The following DRC7 variants were observed in gnomAD, a reference collection of about 807,000 sequenced individuals.
DRC7 encodes coiled-coil domain containing 135.
Under a neutral mutation model 104.4 loss-of-function variants are expected in DRC7, and 80 were observed. That is an observed-to-expected ratio of 0.77 (90% CI 0.64 to 0.92). The LOEUF (loss-of-function observed/expected upper bound fraction) is 0.92, where lower values mean the gene tolerates loss of function less well. Among genes scored for constraint, DRC7 ranks in the 40% least tolerant of loss-of-function variants. The probability of loss-of-function intolerance (pLI) is 0.00; values close to 1 mark genes in which losing one functional copy is unlikely to be tolerated. For synonymous variants in DRC7, 405 were observed against 447.3 expected (o/e 0.91, Z 1.19); for missense variants, 1,034 against 1,141.1 (o/e 0.91, Z 1.35).
chr16:57,718,086 G>T (rs1225073190), intron 8 of DRC7, among the ~76,000 whole-genome samples: 1 of 152,204 alleles, frequency 6.6e-6, no homozygotes, highest in Non-Finnish European at 1.5e-5. Context: ...CTTTCACAGA[G>T]GTCAACACGA....
chr16:57,728,813 G>GATAGATGA, intron 17 of DRC7, among the ~76,000 whole-genome samples: 1 of 149,446 alleles, frequency 6.7e-6, no homozygotes, highest in Non-Finnish European at 1.5e-5. Context: ...TAGGTGGGTG[G>GATAGATGA]GTGGGTGGGT....
In DRC7 at chr16:57,699,044, G is replaced by A; in HGVS notation, c.378+20G>A. On this transcript the variant is annotated intron_variant, in intron 4 of 18. Coordinates refer to ENST00000360716, the MANE Select transcript of DRC7 (RefSeq NM_001289162.2). ...GTGCCCGTAAGGCTGGCATGTTGAGGGCAGGGCTGGGGAGCCTGGGGCTGG... is the reference window on the plus strand; with the variant it reads ...GTGCCCGTAAGGCTGGCATGTTGAGAGCAGGGCTGGGGAGCCTGGGGCTGG... 1 of 1,611,048 alleles carries A rather than the reference G, an allele frequency of 6.2e-7. No homozygotes were observed. Among genetic ancestry groups the A allele is most frequent in the South Asian group, 1.1e-5 (1 of 90,978 alleles).
At chr16:57,704,747 C>A in intron 6 of DRC7, 129 bp from the exon 7 acceptor site, 1 of 1,022,110 alleles carries the variant, frequency 9.8e-7, no homozygotes, top group Non-Finnish European at 1.4e-6. Context: ...GCCAGAAAGG[C>A]CACAGGCTAC....
intron 8 of DRC7, chr16:57,713,847 A>G (rs774202148): frequency 8.2e-4 from 127 of 154,448 alleles, no homozygotes; most frequent in Non-Finnish European, 3.6e-4. Flanking sequence ...AGCTGCCCTC[A>G]TGGTGTATGA....
intron 16 of DRC7, among the ~76,000 whole-genome samples, 157 bp downstream of exon 16, chr16:57,727,566 A>G (rs1449261646): frequency 1.3e-5 from 2 of 152,154 alleles, no homozygotes; most frequent in African/African-American, 2.4e-5. Context: ...GACCATTTCT[A>G]TGGTTCATCC....
intron 15 of DRC7, 35 bp downstream of exon 15, chr16:57,726,977 T>C (rs745776592): frequency 2.9e-5 from 39 of 1,350,708 alleles, no homozygotes; most frequent in Non-Finnish European, 3.7e-5. Flanking sequence ...AGGTGGGCGG[T>C]ATCTTTGTTT....
At chr16:57,716,985 T>C (rs1331390717) in intron 8 of DRC7, among the ~76,000 whole-genome samples, 1 of 151,662 alleles carries the variant, frequency 6.6e-6, no homozygotes, top group African/African-American at 2.4e-5. Flanking sequence ...GGTGAAACCC[T>C]GTCTCTACTA....
intron 12 of DRC7, among the ~76,000 whole-genome samples, chr16:57,724,168 G>A (rs2048936963): frequency 6.6e-6 from 1 of 152,042 alleles, no homozygotes; most frequent in South Asian, 2.1e-4. Context: ...AAATTAGCCA[G>A]GTGTGGTGGC....
intron 4 of DRC7, among the ~76,000 whole-genome samples, chr16:57,699,342 C>G (rs1424943200): frequency 6.6e-6 from 1 of 152,190 alleles, no homozygotes; most frequent in South Asian, 2.1e-4. Context: ...GTGGGAGTCT[C>G]TGGTTTTTAA....
intron 8 of DRC7, among the ~76,000 whole-genome samples, chr16:57,715,653 C>T (rs2048834821): frequency 1.3e-5 from 2 of 152,206 alleles, no homozygotes; most frequent in South Asian, 4.1e-4. Context: ...TTGTTGCTCC[C>T]ATCTTACAGG....
intron 8 of DRC7, among the ~76,000 whole-genome samples, chr16:57,711,032 T>C (rs1461757291): frequency 6.6e-6 from 1 of 152,244 alleles, no homozygotes; most frequent in Non-Finnish European, 1.5e-5. Context: ...TTCAGTTTTC[T>C]GGATGAGTTT....
intron 13 of DRC7, chr16:57,725,475 C>T (rs928098803): frequency 1.3e-5 from 2 of 155,786 alleles, no homozygotes; most frequent in East Asian, 1.9e-4. Flanking sequence ...GGATGTGTTA[C>T]TTCCTTATTG....
At chr16:57,702,674 G>T (rs1297810855) in intron 6 of DRC7, among the ~76,000 whole-genome samples, 2 of 152,044 alleles carry the variant, frequency 1.3e-5, no homozygotes, top group African/African-American at 4.8e-5. Flanking sequence ...GGTGGCATGT[G>T]CCTGTAGTCC....
chr16:57,722,314 A>G (rs1420552825), intron 10 of DRC7, among the ~76,000 whole-genome samples: 2 of 152,182 alleles, frequency 1.3e-5, no homozygotes, highest in African/African-American at 4.8e-5. Context: ...GGTGAGCAGA[A>G]AGGGGTACCA....
intron 6 of DRC7, among the ~76,000 whole-genome samples, chr16:57,703,939 C>A (rs2048685080): frequency 7.3e-6 from 1 of 136,174 alleles, no homozygotes; most frequent in Non-Finnish European, 1.5e-5. Flanking sequence ...TGCACTCCAG[C>A]CTGGGCAACA....
intron 6 of DRC7, among the ~76,000 whole-genome samples, chr16:57,704,351 G>A (rs1271349239): frequency 4.7e-5 from 7 of 149,976 alleles, no homozygotes; most frequent in Non-Finnish European, 7.4e-5. Context: ...TTGCCACTTA[G>A]CACACATTTG....
chr16:57,702,004 G>A lies in DRC7; in HGVS notation c.573G>A (p.Thr191=), dbSNP rs574958651. Reference sequence around the variant, plus strand: ...AGGGGAACTGCTTTGACTTCAGTACGCTGCTCTGCTCCATGCTTATCGGCT... The same window carrying A: ...AGGGGAACTGCTTTGACTTCAGTACACTGCTCTGCTCCATGCTTATCGGCT... ...YQKGNCFDFS[T]LLCSMLIGSG... is the part of the protein sequence containing the mutation. Residue 191 remains threonine, a synonymous_variant, in exon 6 of 19, where the codon ACG becomes ACA. Transcript: ENST00000360716. 14 of 1,614,058 alleles carry A rather than the reference G, an allele frequency of 8.7e-6. No individual in the cohort carries two copies. The highest frequency in any genetic ancestry group is 2.7e-5 in the African/African-American group (2 of 74,926).
At position 57,699,095 on chromosome 16, in the gene DRC7, G is replaced by A. The variant is rs1401513805; in HGVS notation, c.378+71G>A. 5.8e-6 allele frequency: 9 copies of A among 1,545,506 alleles called. No individual in the cohort carries two copies. In the African/African-American group the frequency reaches 9.5e-5, roughly 16 times the overall value. ...AGAGCAGAGGGCACAGGGAAGTGGG[G>A]CAGGTTCTCCAAGGTCACTGGGCCA... On this transcript the variant is annotated intron_variant, in intron 4 of 18. Coordinates refer to ENST00000360716, the MANE Select transcript of DRC7 (RefSeq NM_001289162.2).
In DRC7 at chr16:57,731,050, C is replaced by T; in HGVS notation, c.2511C>T (p.Ile837=). Reference sequence around the variant, plus strand: ...CTCAGGCCATGTTCCGCATCCGCATCCTGGAGCAGCGCCTCAATCGGTGAG... The same window carrying T: ...CTCAGGCCATGTTCCGCATCCGCATTCTGGAGCAGCGCCTCAATCGGTGAG... ...YCSQAMFRIR[I]LEQRLNRHKE... is the part of the protein sequence containing the mutation. Residue 837 remains isoleucine, a synonymous_variant, in exon 18 of 19, where the codon ATC becomes ATT. Coordinates refer to ENST00000360716, the MANE Select transcript of DRC7 (RefSeq NM_001289162.2). The T allele has an allele frequency of 2.5e-6, 4 of 1,613,746 alleles. No individual in the cohort carries two copies. Among genetic ancestry groups the T allele is most frequent in the Non-Finnish European group, 3.4e-6 (4 of 1,179,972 alleles).
Sources: allele counts gnomAD v4.1 joint callset (sites outside exome capture counted in the v4.1 genomes callset), GRCh38; gene constraint gnomAD v4.1.1; transcripts MANE v1.5; gene names NCBI Gene and HGNC (gene_info 2026-07-23, HGNC 2026-07-21).